UBE2F: variants seen among roughly 807,000 people sequenced by gnomAD.
UBE2F encodes NEDD8-conjugating enzyme UBE2F.
Under a neutral mutation model 29.6 loss-of-function variants are expected in UBE2F, and 5 were observed. The ratio of observed to expected loss-of-function variants is 0.17; its 90% CI spans 0.09 to 0.36. UBE2F has a LOEUF of 0.36. Among genes scored for constraint, UBE2F ranks in the 10% least tolerant of loss-of-function variants. The pLI is 1.00. For synonymous variants in UBE2F, 66 were observed against 81.8 expected (o/e 0.81, Z 1.04); for missense variants, 141 against 228.5 (o/e 0.62, Z 2.47).
At chr2:238,030,790 G>T (rs115091740) in intron 7 of UBE2F, among the ~76,000 whole-genome samples, 177 bp downstream of exon 7, 2,833 of 152,246 alleles carry the variant, frequency 0.019, 81 homozygotes, top group African/African-American at 0.065. Flanking sequence ...CACTGACCTC[G>T]GTCAGTTTGG....
At chr2:237,990,098 A>G in intron 3 of UBE2F, among the ~76,000 whole-genome samples, 1 of 113,170 alleles carries the variant, frequency 8.8e-6, no homozygotes, top group African/African-American at 3.6e-5. Context: ...TGGGCGATGG[A>G]GTGAGACTGT....
chr2:238,006,043 A>C (rs2063897008), intron 4 of UBE2F, among the ~76,000 whole-genome samples: 1 of 152,164 alleles, frequency 6.6e-6, no homozygotes, highest in Admixed American at 6.5e-5. Flanking sequence ...ATAAAGAAAT[A>C]CCTGAGGCCA....
At chr2:238,025,689 C>G (rs2064410700) in intron 6 of UBE2F, among the ~76,000 whole-genome samples, 1 of 152,168 alleles carries the variant, frequency 6.6e-6, no homozygotes, top group Admixed American at 6.5e-5. Context: ...CCCTTGGAGT[C>G]CCTTGCCTTG....
At chr2:238,007,507 A>G (rs2063933009) in intron 4 of UBE2F, among the ~76,000 whole-genome samples, 1 of 86,798 alleles carries the variant, frequency 1.2e-5, no homozygotes, top group African/African-American at 4.9e-5. Flanking sequence ...ATATATGTAT[A>G]TGTATGTATG....
intron 7 of UBE2F, 28 bp downstream of exon 7, chr2:238,030,641 T>C (rs144404819): frequency 6.3e-7 from 1 of 1,594,030 alleles, no homozygotes; most frequent in East Asian, 2.2e-5. Context: ...ATCTTGATCA[T>C]AAGTTGTCCC....
intron 5 of UBE2F, among the ~76,000 whole-genome samples, chr2:238,019,119 T>A (rs1431470443): frequency 6.6e-6 from 1 of 152,152 alleles, no homozygotes; most frequent in East Asian, 1.9e-4. Context: ...GAAACATCAT[T>A]CCCATGCAGC....
At chr2:238,019,097 A>G (rs555054139) in intron 5 of UBE2F, among the ~76,000 whole-genome samples, 12 of 152,204 alleles carry the variant, frequency 7.9e-5, no homozygotes, top group Non-Finnish European at 1.2e-4. Flanking sequence ...CCCCACTACT[A>G]GTCCCTGTGG....
chr2:238,027,190 G>T (rs745719851), intron 6 of UBE2F, among the ~76,000 whole-genome samples: 19 of 152,232 alleles, frequency 1.2e-4, no homozygotes, highest in Non-Finnish European at 2.4e-4. Context: ...TAAGGAAAAA[G>T]ATTGTCAGAT....
At chr2:237,980,330 T>C (rs114742367) in intron 2 of UBE2F, among the ~76,000 whole-genome samples, 1,941 of 152,322 alleles carry the variant, frequency 0.013, 21 homozygotes, top group Non-Finnish European at 0.019. Flanking sequence ...ACAATAGGCA[T>C]GTGTTTCCCT....
chr2:237,991,609 C>CTTTCTTTCTTTTTTTTTTTTTTTTTTTTT (rs57180067), intron 3 of UBE2F, among the ~76,000 whole-genome samples: 3 of 53,054 alleles, frequency 5.7e-5, no homozygotes, highest in South Asian at 6.0e-4. Context: ...TTCTTTCTTT[C>CTTTCTTTCTTTTTTTTTTTTTTTTTTTTT]TTTTTTTTTT....
rs1262461092 is a variant in UBE2F at position 237,982,909 on chromosome 2, G to A, written c.119-5054G>A. Among the ~76,000 whole-genome samples, 1 of 152,160 alleles carries A rather than the reference G, an allele frequency of 6.6e-6. No individual in the cohort carries two copies. The highest frequency in any genetic ancestry group is 1.9e-4 in the East Asian group (1 of 5,190). Reference sequence around the variant, plus strand: ...AGGGCAAAATCTGGCCCATTGGAAAGGCAGCTATGTATCAGTGTGGGCATG... The same window carrying A: ...AGGGCAAAATCTGGCCCATTGGAAAAGCAGCTATGTATCAGTGTGGGCATG... On this transcript the variant is annotated intron_variant, in intron 2 of 9. Coordinates refer to ENST00000272930, the MANE Select transcript of UBE2F (RefSeq NM_080678.3). The surrounding 1 kb of genome is among the most constrained non-coding windows in gnomAD (Gnocchi z 4.1).
chr2:237,972,412 T>TG (rs1221260471), intron 1 of UBE2F, among the ~76,000 whole-genome samples: 1 of 152,172 alleles, frequency 6.6e-6, no homozygotes, highest in Non-Finnish European at 1.5e-5. Flanking sequence ...AACCCATTGG[T>TG]GAGGGCATGC....
chr2:237,995,069 A>G (rs751789478), intron 4 of UBE2F, among the ~76,000 whole-genome samples: 10 of 152,256 alleles, frequency 6.6e-5, no homozygotes, highest in Non-Finnish European at 1.3e-4. Flanking sequence ...CAGTTGGTGT[A>G]TAGTGAAGAG....
intron 6 of UBE2F, 43 bp downstream of exon 6, chr2:238,025,455 A>T (rs977883951): frequency 1.3e-6 from 2 of 1,542,132 alleles, no homozygotes; most frequent in African/African-American, 2.7e-5. Flanking sequence ...CGTGAGTGTC[A>T]TGTGCAAGCG....
intron 2 of UBE2F, among the ~76,000 whole-genome samples, chr2:237,976,939 A>G (rs940925622): frequency 6.6e-6 from 1 of 152,160 alleles, no homozygotes; most frequent in African/African-American, 2.4e-5. Context: ...CTGGGGTAGG[A>G]CAGGCTCTGT....
At chr2:237,976,755 C>T (rs749544646) in intron 2 of UBE2F, among the ~76,000 whole-genome samples, 1 of 152,120 alleles carries the variant, frequency 6.6e-6, no homozygotes, top group African/African-American at 2.4e-5. Flanking sequence ...TAAGCTTCAG[C>T]ATGAATTTTG....
chr2:237,999,186 G>A (rs951421528), intron 4 of UBE2F, among the ~76,000 whole-genome samples: 1 of 151,698 alleles, frequency 6.6e-6, no homozygotes, highest in South Asian at 2.1e-4. Flanking sequence ...AGATTCAGGC[G>A]ATTCTCAGGC....
rs538836527 is a variant in UBE2F at position 237,975,905 on chromosome 2, T to C, written c.118+2680T>C. ...TGCCTGCCTTGACCTCCCAAAGTGCTGGACTAACAGGCATGAGCCACTGTG... is the reference window on the plus strand; with the variant it reads ...TGCCTGCCTTGACCTCCCAAAGTGCCGGACTAACAGGCATGAGCCACTGTG... On this transcript the variant is annotated intron_variant, in intron 2 of 9. Coordinates refer to ENST00000272930, the MANE Select transcript of UBE2F (RefSeq NM_080678.3). 3.9e-5 allele frequency among the ~76,000 whole-genome samples: 6 copies of C among 152,322 alleles called. No individual in the cohort carries two copies. The East Asian group carries it at 1.2e-3, about 29-fold the overall frequency.
intron 5 of UBE2F, among the ~76,000 whole-genome samples, chr2:238,024,088 T>C (rs1444961363): frequency 6.6e-6 from 1 of 152,206 alleles, no homozygotes; most frequent in African/African-American, 2.4e-5. Flanking sequence ...CACAGCTTTC[T>C]TCTATAAAGA....
Sources: gnomAD v4.1 joint callset for allele counts (sites outside exome capture counted in the v4.1 genomes callset) on GRCh38, gnomAD v4.1.1 for gene constraint, Gnocchi (gnomAD v3.1) non-coding constraint, MANE v1.5 for transcripts, NCBI Gene and HGNC (gene_info 2026-07-23, HGNC 2026-07-21) for gene names.